Variants in ATRNL1 observed in about 807,000 individuals in gnomAD.
The protein encoded by ATRNL1 is attractin like 1.
A neutral mutation model predicts 182.7 loss-of-function variants in ATRNL1; 95 were observed. That is an observed-to-expected ratio of 0.52 (90% CI 0.44 to 0.62). The LOEUF (loss-of-function observed/expected upper bound fraction) is 0.62. ATRNL1 is among the 20% of genes least tolerant of loss of function. The probability of loss-of-function intolerance (pLI) is 0.00; values close to 1 mark genes in which losing one functional copy is unlikely to be tolerated. For missense variants in ATRNL1, 1,471 were observed against 1,679.5 expected (o/e 0.88, Z 2.17); for synonymous variants, 576 against 568.3 (o/e 1.01, Z -0.19).
At chr10:115,798,608 A>G (rs901569359) in intron 27 of ATRNL1, among the ~76,000 whole-genome samples, 15 of 152,062 alleles carry the variant, frequency 9.9e-5, no homozygotes, top group Admixed American at 8.5e-4. Flanking sequence ...TCACCTGCTC[A>G]TCTACACCTC....
At chr10:115,584,022 T>C (rs2133894809) in intron 26 of ATRNL1, among the ~76,000 whole-genome samples, 1 of 152,304 alleles carries the variant, frequency 6.6e-6, no homozygotes, top group South Asian at 2.1e-4. Flanking sequence ...GTGGTTTTTG[T>C]CTTTGGTTCT....
At position 115,322,331 on chromosome 10, in the gene ATRNL1, CT is replaced by C. The variant is rs550649671; in HGVS notation, c.3037+6600del. On this transcript the variant is annotated intron_variant, in intron 18 of 28. Coordinates refer to ENST00000355044, the MANE Select transcript of ATRNL1 (RefSeq NM_207303.4). ...TAGTTATAGCTTTTATTATATTAAT[CT>C]TTTTACCATTTCTGGTTTTCTTTAT... 8.2e-3 allele frequency among the ~76,000 whole-genome samples: 1,248 copies of C among 151,778 alleles called. 13 individuals are homozygous for C. Among genetic ancestry groups the C allele is most frequent in the African/African-American group, 0.027 (1,139 of 41,434 alleles).
chr10:115,736,975 G>A (rs1427462823), intron 27 of ATRNL1, among the ~76,000 whole-genome samples: 1 of 151,856 alleles, frequency 6.6e-6, no homozygotes, highest in African/African-American at 2.4e-5. Flanking sequence ...CGTGTGAGTT[G>A]CTCATATTAA....
intron 13 of ATRNL1, among the ~76,000 whole-genome samples, chr10:115,277,714 T>G (rs1262275826): frequency 1.3e-5 from 2 of 152,136 alleles, no homozygotes; most frequent in African/African-American, 2.4e-5. Flanking sequence ...TTAGGTTTTA[T>G]CATAGGTATT....
intron 26 of ATRNL1, among the ~76,000 whole-genome samples, chr10:115,726,999 A>G (rs186150115): frequency 2.6e-5 from 4 of 152,234 alleles, no homozygotes; most frequent in Non-Finnish European, 5.9e-5. Context: ...AGTACATTGT[A>G]TTAGGCCTGC....
intron 28 of ATRNL1, among the ~76,000 whole-genome samples, chr10:115,859,560 A>G (rs1403931613): frequency 1.3e-5 from 2 of 152,314 alleles, no homozygotes; most frequent in East Asian, 1.9e-4. Context: ...GTAAAGGCTA[A>G]GACTGGGTAA....
chr10:115,828,943 C>T (rs1555092768), intron 27 of ATRNL1, among the ~76,000 whole-genome samples: 1 of 152,146 alleles, frequency 6.6e-6, no homozygotes. Context: ...CATTAGAAAC[C>T]TCAAGGTGTC....
chr10:115,535,374 A>T (rs76080627), intron 25 of ATRNL1, among the ~76,000 whole-genome samples: 1 of 151,278 alleles, frequency 6.6e-6, no homozygotes, highest in Admixed American at 6.6e-5. Context: ...TCCATCACTG[A>T]TACCCTTTCT....
At chr10:115,526,943 T>A (rs1851246890) in intron 25 of ATRNL1, among the ~76,000 whole-genome samples, 1 of 151,556 alleles carries the variant, frequency 6.6e-6, no homozygotes, top group African/African-American at 2.4e-5. Context: ...ATCAAAGGAG[T>A]CTTCCATCTC....
chr10:115,649,462 C>T (rs1451019425), intron 26 of ATRNL1, among the ~76,000 whole-genome samples: 1 of 152,062 alleles, frequency 6.6e-6, no homozygotes, highest in East Asian at 1.9e-4. Flanking sequence ...TGTGATGGCA[C>T]CATAAGATAA....
chr10:115,215,583 A>G, intron 8 of ATRNL1, 114 bp from the exon 9 acceptor site: 2 of 808,778 alleles, frequency 2.5e-6, no homozygotes, highest in Non-Finnish European at 3.8e-6. Context: ...TAGATATACA[A>G]TGTTTACTCA....
chr10:115,648,474 C>T (rs548497054), intron 26 of ATRNL1, among the ~76,000 whole-genome samples: 83 of 152,140 alleles, frequency 5.5e-4, no homozygotes, highest in African/African-American at 1.9e-3. Flanking sequence ...CACATGAAAC[C>T]AAAAAAGAGC....
intron 26 of ATRNL1, among the ~76,000 whole-genome samples, chr10:115,692,368 G>A (rs1593075121): frequency 1.3e-5 from 2 of 152,036 alleles, no homozygotes; most frequent in African/African-American, 4.8e-5. Flanking sequence ...GATTGTGCAG[G>A]AATTTGAAGA....
intron 18 of ATRNL1, among the ~76,000 whole-genome samples, chr10:115,331,360 G>T (rs1855213818): frequency 6.6e-6 from 1 of 152,092 alleles, no homozygotes; most frequent in African/African-American, 2.4e-5. Context: ...GCAGGTGTGA[G>T]GCCTGCATTT....
chr10:115,534,967 T>C (rs7897956), intron 25 of ATRNL1, among the ~76,000 whole-genome samples: 107,814 of 151,984 alleles, frequency 0.71, 39,441 homozygotes, highest in African/African-American at 0.82. Flanking sequence ...GAGTTTCTGC[T>C]GAGAGATCCG....
chr10:115,635,478 CAA>C (rs1858809286), intron 26 of ATRNL1, among the ~76,000 whole-genome samples: 2 of 152,046 alleles, frequency 1.3e-5, no homozygotes, highest in Non-Finnish European at 2.9e-5. Flanking sequence ...ATGAAAAAGA[CAA>C]TACAAGATTT....
chr10:115,824,902 A>G (rs2134293457), intron 27 of ATRNL1, among the ~76,000 whole-genome samples: 1 of 152,342 alleles, frequency 6.6e-6, no homozygotes, highest in East Asian at 1.9e-4. Context: ...ATATTCCCAA[A>G]GGAGTTTAAA....
intron 26 of ATRNL1, among the ~76,000 whole-genome samples, chr10:115,590,056 A>G (rs782287630): frequency 1.3e-5 from 2 of 152,208 alleles, no homozygotes; most frequent in Non-Finnish European, 2.9e-5. Context: ...AAATAATACA[A>G]TGTTGTGTTA....
intron 27 of ATRNL1, among the ~76,000 whole-genome samples, chr10:115,785,629 A>G (rs1399851318): frequency 6.6e-6 from 1 of 152,208 alleles, no homozygotes; most frequent in Non-Finnish European, 1.5e-5. Context: ...CACCTAATCT[A>G]TTCAATGAAA....
Sources: allele counts gnomAD v4.1 joint callset (sites outside exome capture counted in the v4.1 genomes callset), GRCh38; gene constraint gnomAD v4.1.1; transcripts MANE v1.5; gene names NCBI Gene and HGNC (gene_info 2026-07-23, HGNC 2026-07-21).